Variants in NAALADL2 observed in about 807,000 individuals in gnomAD.
The protein encoded by NAALADL2 is N-acetylated alpha-linked acidic dipeptidase like 2.
In NAALADL2, 76 loss-of-function variants were observed where a neutral mutation model predicts 87.2. The ratio of observed to expected loss-of-function variants is 0.87; its 90% CI spans 0.72 to 1.05. NAALADL2 has a LOEUF of 1.05. Among genes scored for constraint, NAALADL2 ranks in the 50% least tolerant of loss-of-function variants. The probability of loss-of-function intolerance (pLI) is 0.00; values close to 1 mark genes in which losing one functional copy is unlikely to be tolerated. For synonymous variants in NAALADL2, 354 were observed against 331.0 expected (o/e 1.07, Z -0.75); for missense variants, 1,089 against 945.8 (o/e 1.15, Z -1.99).
At chr3:175,305,096 T>G (rs577816980) in intron 4 of NAALADL2, among the ~76,000 whole-genome samples, 109 of 152,288 alleles carry the variant, frequency 7.2e-4, no homozygotes, top group Middle Eastern at 3.4e-3. Context: ...ATTTTGTTCA[T>G]TATTTTATTA....
intron 1 of NAALADL2, among the ~76,000 whole-genome samples, chr3:174,528,506 T>G (rs9874359): frequency 0.18 from 26,971 of 152,052 alleles, 2,450 homozygotes; most frequent in Middle Eastern, 0.25. Context: ...CATGCACTTG[T>G]AGTCCCAACT....
intron 9 of NAALADL2, among the ~76,000 whole-genome samples, chr3:175,544,685 T>C (rs1712994121): frequency 6.6e-6 from 1 of 152,172 alleles, no homozygotes; most frequent in Non-Finnish European, 1.5e-5. Flanking sequence ...TTTTCAATGC[T>C]CCTTCTCCCT....
At position 174,485,866 on chromosome 3, in the gene NAALADL2, G is replaced by A. The variant is rs4894471; in HGVS notation, c.-184+44834G>A. Among the ~76,000 whole-genome samples, 898 of 151,806 alleles carry A rather than the reference G, an allele frequency of 5.9e-3. 6 individuals are homozygous for A. Among genetic ancestry groups the A allele is most frequent in the Admixed American group, 8.1e-3 (123 of 15,198 alleles). ...CGTCTTCCAGGGTTTTATAGTTTTG[G>A]GTTTTATATTTAAGTCTTTGATCCA... is the stretch of plus-strand genomic sequence containing the variant. On this transcript the variant is annotated intron_variant, in intron 1 of 3. Transcript: ENST00000434257.
chr3:175,642,499 CT>C (rs1206070195), intron 11 of NAALADL2, among the ~76,000 whole-genome samples: 2,648 of 141,322 alleles, frequency 0.019, 57 homozygotes, highest in African/African-American at 0.061. Flanking sequence ...TCACCCAAAT[CT>C]TTTTTTTTTT....
intron 1 of NAALADL2, among the ~76,000 whole-genome samples, chr3:174,889,321 C>A (rs908912963): frequency 2.3e-4 from 35 of 152,234 alleles, no homozygotes; most frequent in African/African-American, 8.4e-4. Flanking sequence ...ATAATCCTTG[C>A]TGTTTTATAA....
chr3:175,779,448 C>T (rs534099613), intron 13 of NAALADL2, among the ~76,000 whole-genome samples: 21 of 151,872 alleles, frequency 1.4e-4, no homozygotes, highest in Non-Finnish European at 3.1e-4. Flanking sequence ...AGATGTAATT[C>T]ATTTTTTTTT....
intron 11 of NAALADL2, among the ~76,000 whole-genome samples, chr3:175,657,073 G>A (rs2149802101): frequency 6.6e-6 from 1 of 152,226 alleles, no homozygotes; most frequent in Admixed American, 6.5e-5. Flanking sequence ...AAGTAATTTT[G>A]TTCAGGTTGC....
intron 1 of NAALADL2, among the ~76,000 whole-genome samples, chr3:174,984,112 T>A (rs1300076605): frequency 6.6e-6 from 1 of 152,062 alleles, no homozygotes; most frequent in African/African-American, 2.4e-5. Flanking sequence ...TGAGATGTTT[T>A]AAAAAAACAC....
chr3:174,667,563 A>G (rs77443255), intron 2 of NAALADL2, among the ~76,000 whole-genome samples: 22 of 35,974 alleles, frequency 6.1e-4, no homozygotes, highest in African/African-American at 1.6e-3. Context: ...TTTTTTTTTT[A>G]TAGCAAGACT....
intron 12 of NAALADL2, among the ~76,000 whole-genome samples, chr3:175,738,736 TAA>T (rs1167829166): frequency 6.6e-5 from 10 of 152,176 alleles, no homozygotes; most frequent in African/African-American, 2.4e-4. Flanking sequence ...TTTATATATT[TAA>T]GTTAGTCTCT....
At chr3:174,976,050 A>G (rs1744314243) in intron 1 of NAALADL2, among the ~76,000 whole-genome samples, 1 of 152,226 alleles carries the variant, frequency 6.6e-6, no homozygotes, top group South Asian at 2.1e-4. Flanking sequence ...TGCAACAACA[A>G]CAAAAAACCC....
At chr3:175,647,366 TA>T (rs981107656) in intron 11 of NAALADL2, among the ~76,000 whole-genome samples, 1 of 152,120 alleles carries the variant, frequency 6.6e-6, no homozygotes, top group Non-Finnish European at 1.5e-5. Context: ...GTCTTTTTAT[TA>T]AAAAAAGACA....
intron 10 of NAALADL2, among the ~76,000 whole-genome samples, chr3:175,624,607 C>CA (rs1288471208): frequency 6.6e-6 from 1 of 151,560 alleles, no homozygotes. Context: ...TGTGATGTAA[C>CA]AAAAAATTAC....
intron 5 of NAALADL2, among the ~76,000 whole-genome samples, chr3:175,423,025 A>AT (rs1715987435): frequency 9.9e-6 from 1 of 100,746 alleles, no homozygotes; most frequent in African/African-American, 4.6e-5. Context: ...TAAGAAAAAA[A>AT]AAAATATATA....
At chr3:175,554,384 C>T (rs1714928063) in intron 9 of NAALADL2, among the ~76,000 whole-genome samples, 1 of 152,096 alleles carries the variant, frequency 6.6e-6, no homozygotes. Context: ...TTTCATACTA[C>T]TTGCCTTTAT....
intron 11 of NAALADL2, among the ~76,000 whole-genome samples, chr3:175,687,738 C>T (rs1434424992): frequency 7.9e-5 from 12 of 152,128 alleles, no homozygotes; most frequent in African/African-American, 2.2e-4. Context: ...GGGAGTGGAT[C>T]ACTCACGGCT....
intron 1 of NAALADL2, among the ~76,000 whole-genome samples, chr3:175,016,728 T>A (rs1205558245): frequency 1.3e-5 from 2 of 151,998 alleles, no homozygotes; most frequent in Non-Finnish European, 2.9e-5. Flanking sequence ...GTATGAATGA[T>A]CATAGGAATC....
chr3:174,706,279 C>T (rs1462124955), intron 2 of NAALADL2, among the ~76,000 whole-genome samples: 1 of 152,138 alleles, frequency 6.6e-6, no homozygotes, highest in Admixed American at 6.6e-5. Context: ...TGATCTCTAC[C>T]TCATACCAAA....
At chr3:175,022,371 TTGTC>T (rs1467414842) in intron 1 of NAALADL2, among the ~76,000 whole-genome samples, 1 of 152,034 alleles carries the variant, frequency 6.6e-6, no homozygotes, top group Non-Finnish European at 1.5e-5. Flanking sequence ...AGGACTCTAA[TTGTC>T]TGCTTGATTT....
Sources: gnomAD v4.1 joint callset for allele counts (sites outside exome capture counted in the v4.1 genomes callset) on GRCh38, gnomAD v4.1.1 for gene constraint, MANE v1.5 for transcripts, NCBI Gene and HGNC (gene_info 2026-07-23, HGNC 2026-07-21) for gene names.